TRPC7: variants seen among roughly 807,000 people sequenced by gnomAD.
The protein encoded by TRPC7 is short transient receptor potential channel 7.
Under a neutral mutation model 90.1 loss-of-function variants are expected in TRPC7, and 42 were observed. That is an observed-to-expected ratio of 0.47 (90% CI 0.36 to 0.60). The LOEUF (loss-of-function observed/expected upper bound fraction) is 0.60, where lower values mean the gene tolerates loss of function less well. Among genes scored for constraint, TRPC7 ranks in the 20% least tolerant of loss-of-function variants. The probability of loss-of-function intolerance (pLI) is 0.00; values close to 1 mark genes in which losing one functional copy is unlikely to be tolerated. For synonymous variants in TRPC7, 451 were observed against 436.3 expected, an observed-to-expected ratio of 1.03 and a Z score of -0.42; for missense variants, 955 against 1,112.3, an observed-to-expected ratio of 0.86 and a Z score of 2.01.
intron 5 of TRPC7, among the ~76,000 whole-genome samples, chr5:136,255,833 G>A (rs76769525): frequency 2.0e-5 from 3 of 152,150 alleles, no homozygotes; most frequent in South Asian, 2.1e-4. Flanking sequence ...AATGTGCCCT[G>A]CTAGGAAGCA....
chr5:136,284,359 T>C (rs1757644263), intron 3 of TRPC7, among the ~76,000 whole-genome samples: 1 of 152,198 alleles, frequency 6.6e-6, no homozygotes, highest in South Asian at 2.1e-4. Context: ...ATGGGCTGGG[T>C]CAATTTTGGT....
intron 3 of TRPC7, among the ~76,000 whole-genome samples, chr5:136,283,297 T>C (rs1187477743): frequency 6.6e-6 from 1 of 152,224 alleles, no homozygotes; most frequent in Non-Finnish European, 1.5e-5. Context: ...TTTCCATTGC[T>C]CCTATCTCAC....
At chr5:136,305,987 C>T (rs982216436) in intron 3 of TRPC7, among the ~76,000 whole-genome samples, 6 of 152,150 alleles carry the variant, frequency 3.9e-5, no homozygotes, top group African/African-American at 1.4e-4. Context: ...AGTCTCATTC[C>T]AGACACCGGA....
At chr5:136,218,139 T>C (rs1487256474) in intron 10 of TRPC7, among the ~76,000 whole-genome samples, 5 of 146,288 alleles carry the variant, frequency 3.4e-5, no homozygotes, top group African/African-American at 1.2e-4. Flanking sequence ...ATATATAATA[T>C]ATATTTGAGA....
Position 136,356,811 on chromosome 5 carries a change from G to T in TRPC7, c.577C>A (p.Pro193Thr), listed in dbSNP as rs1194007654. ...TTGCACTTGCAGAAGTAGTCGTGGG[G>T]CCGCTCGATGCGGGCGCCCTTGAGC... is the stretch of plus-strand genomic sequence containing the variant. ...LLLKGARIER[P>T]HDYFCKCNEC... The change falls in exon 2 of 12, where the codon CCC becomes ACC. Residue 193 changes from proline (P) to threonine (T), a missense_variant. Physicochemically the swap from Pro to Thr is conservative, Grantham distance 38. Around this residue, in one of 4 missense-constraint regions of TRPC7, gnomAD observed 484 missense variants for 509.6 expected, o/e 0.95. Transcript: ENST00000513104. 3 of 1,613,220 alleles carry T rather than the reference G, an allele frequency of 1.9e-6. No individual in the cohort carries two copies. The highest frequency in any genetic ancestry group is 3.3e-5 in the Admixed American group (2 of 59,974).
At chr5:136,315,521 C>T (rs1758984750) in intron 3 of TRPC7, 76 bp downstream of exon 3, 1 of 1,504,790 alleles carries the variant, frequency 6.6e-7, no homozygotes, top group Non-Finnish European at 9.1e-7. Context: ...ATAAAATAGA[C>T]ATGAGCAAAA....
intron 5 of TRPC7, among the ~76,000 whole-genome samples, chr5:136,255,421 T>C (rs1756657543): frequency 6.6e-6 from 1 of 152,260 alleles, no homozygotes; most frequent in Non-Finnish European, 1.5e-5. Context: ...AAAAAGATTA[T>C]GCCTTGTTGA....
At chr5:136,280,393 C>A (rs2149818032) in intron 3 of TRPC7, among the ~76,000 whole-genome samples, 1 of 152,262 alleles carries the variant, frequency 6.6e-6, no homozygotes, top group South Asian at 2.1e-4. Context: ...TAGGTATCTC[C>A]AAGAATGTGC....
intron 2 of TRPC7, among the ~76,000 whole-genome samples, chr5:136,339,965 T>C (rs573832403): frequency 1.6e-3 from 244 of 151,720 alleles, no homozygotes; most frequent in African/African-American, 5.5e-3. Context: ...TCAGGTGCAT[T>C]AAAAAAATAA....
intron 1 of TRPC7, among the ~76,000 whole-genome samples, chr5:136,364,977 G>C (rs1760677384): frequency 6.6e-6 from 1 of 151,986 alleles, no homozygotes; most frequent in Non-Finnish European, 1.5e-5. Context: ...ACTCATCTAG[G>C]AATAAAACTA....
At chr5:136,340,680 T>A (rs907465259) in intron 2 of TRPC7, among the ~76,000 whole-genome samples, 1 of 151,942 alleles carries the variant, frequency 6.6e-6, no homozygotes, top group South Asian at 2.1e-4. Flanking sequence ...TTTGAATAAA[T>A]TTTCCGTTCA....
intron 4 of TRPC7, among the ~76,000 whole-genome samples, chr5:136,271,011 G>T (rs931101738): frequency 3.3e-5 from 5 of 152,106 alleles, no homozygotes; most frequent in Admixed American, 6.5e-5. Context: ...TCCTCTCCTG[G>T]TTGGCCCCTG....
chr5:136,247,616 G>A lies in TRPC7; in HGVS notation c.1699C>T (p.Pro567Ser). 15 of 1,613,950 alleles carry A rather than the reference G, an allele frequency of 9.3e-6. No homozygotes were observed. The highest frequency in any genetic ancestry group is 1.3e-5 in the Non-Finnish European group (15 of 1,179,872). ...YILPANESFG[P>S]LQISLGRTVK... ...GTTCTCCCTAGCGAGATCTGCAGGG[G>A]CCCAAAACTCTCGTTGGCTGGCAGA... The change falls in exon 7 of 12, where the codon CCC (proline) becomes TCC (serine). Residue 567 changes from proline to serine, a missense_variant. Around this residue, in one of 4 missense-constraint regions of TRPC7, gnomAD observed 296 missense variants for 422.7 expected, o/e 0.70. Transcript: ENST00000513104. The surrounding 1 kb of genome is among the most constrained non-coding windows in gnomAD (Gnocchi z 4.2).
At chr5:136,359,889 A>G (rs1463829341) in intron 1 of TRPC7, among the ~76,000 whole-genome samples, 1 of 152,150 alleles carries the variant, frequency 6.6e-6, no homozygotes, top group African/African-American at 2.4e-5. Flanking sequence ...TCTCAGAAAC[A>G]CTTTTTTTTA....
intron 2 of TRPC7, among the ~76,000 whole-genome samples, chr5:136,345,897 C>T (rs2149855056): frequency 6.6e-6 from 1 of 152,224 alleles, no homozygotes; most frequent in African/African-American, 2.4e-5. Flanking sequence ...GGAAGGGATC[C>T]AGTTTCAGCT....
chr5:136,305,295 T>C (rs4501337), intron 3 of TRPC7, among the ~76,000 whole-genome samples: 15,487 of 152,136 alleles, frequency 0.1, 845 homozygotes, highest in Non-Finnish European at 0.13. Context: ...GATTTATTGA[T>C]GGCAGTTCCA....
At chr5:136,298,734 G>A (rs1758268689) in intron 3 of TRPC7, among the ~76,000 whole-genome samples, 1 of 152,172 alleles carries the variant, frequency 6.6e-6, no homozygotes, top group Non-Finnish European at 1.5e-5. Flanking sequence ...TCAAGCTGAA[G>A]TTAGACTTTT....
chr5:136,291,626 A>AT, intron 3 of TRPC7, among the ~76,000 whole-genome samples: 1 of 152,348 alleles, frequency 6.6e-6, no homozygotes, highest in African/African-American at 2.4e-5. Context: ...ATACAGGAGC[A>AT]CCCAGGTTCA....
At chr5:136,321,524 C>T (rs1412854822) in intron 2 of TRPC7, among the ~76,000 whole-genome samples, 1 of 152,122 alleles carries the variant, frequency 6.6e-6, no homozygotes, top group Non-Finnish European at 1.5e-5. Flanking sequence ...CAACACCAAA[C>T]TCATGTCAAA....
Sources: allele counts gnomAD v4.1 joint callset (sites outside exome capture counted in the v4.1 genomes callset), GRCh38; gene constraint gnomAD v4.1.1; regional missense constraint gnomAD v4.1.1; non-coding constraint Gnocchi (gnomAD v3.1); transcripts MANE v1.5; gene names NCBI Gene and HGNC (gene_info 2026-07-23, HGNC 2026-07-21).